Variants in CCNC observed in about 807,000 individuals in gnomAD.
CCNC encodes cyclin C.
A neutral mutation model predicts 50.0 loss-of-function variants in CCNC; 19 were observed. The observed-to-expected ratio is 0.38, with a 90% CI of 0.27 to 0.56. CCNC has a LOEUF of 0.56. Among genes scored for constraint, CCNC ranks in the 20% least tolerant of loss-of-function variants. CCNC has a pLI of 0.72. For synonymous variants in CCNC, 93 were observed against 103.7 expected, an observed-to-expected ratio of 0.90 and a Z score of 0.63; for missense variants, 200 against 327.1, an observed-to-expected ratio of 0.61 and a Z score of 3.00.
chr6:99,564,282 G>T (rs1455633344), intron 1 of CCNC, among the ~76,000 whole-genome samples: 2 of 152,058 alleles, frequency 1.3e-5, no homozygotes, highest in African/African-American at 4.8e-5. Flanking sequence ...AAAATTAGCT[G>T]GACGTGGTGG....
At chr6:99,558,618 G>T (rs1802645922) in intron 4 of CCNC, 70 bp from the exon 5 acceptor site, 1 of 1,413,212 alleles carries the variant, frequency 7.1e-7, no homozygotes, top group Non-Finnish European at 9.6e-7. Flanking sequence ...TTCAAAACAG[G>T]ATTTCCTTGC....
At chr6:99,561,340 G>C in intron 4 of CCNC, 27 bp downstream of exon 4, 1 of 1,493,834 alleles carries the variant, frequency 6.7e-7, no homozygotes, top group African/African-American at 1.4e-5. Flanking sequence ...ACTACACTTT[G>C]ATGAAGAACA....
chr6:99,563,073 C>A, intron 1 of CCNC, 125 bp from the exon 2 acceptor site: 1 of 624,532 alleles, frequency 1.6e-6, no homozygotes, highest in Non-Finnish European at 2.8e-6. Context: ...AATTATTTCT[C>A]ACATTTCTTG....
chr6:99,546,419 A>G lies in CCNC; in HGVS notation c.654T>C (p.Ala218=), dbSNP rs1319024423. 6.2e-7 allele frequency: 1 copy of G among 1,613,188 alleles called. No individual in the cohort carries two copies. Residue 218 remains alanine, a synonymous_variant, in exon 10 of 12, where the codon GCT becomes GCC. Transcript: ENST00000520429. ...VQQKDARQWF[A]ELSVDMEKIL... is the part of the protein sequence containing the mutation. Reference sequence around the variant, plus strand: ...CCTTTTCCATATCCACAGAAAGCTCAGCAAACCATTGCCTGGCATCTTTCT... The same window carrying G: ...CCTTTTCCATATCCACAGAAAGCTCGGCAAACCATTGCCTGGCATCTTTCT...
intron 9 of CCNC, among the ~76,000 whole-genome samples, chr6:99,548,324 G>C (rs891094445): frequency 1.3e-5 from 2 of 152,050 alleles, no homozygotes; most frequent in Non-Finnish European, 2.9e-5. Context: ...CACTGGGTAG[G>C]ACACCACTCA....
intron 4 of CCNC, among the ~76,000 whole-genome samples, chr6:99,559,148 G>T (rs1431733547): frequency 1.4e-5 from 2 of 147,424 alleles, no homozygotes; most frequent in East Asian, 2.0e-4. Flanking sequence ...TAAAACAGTT[G>T]AATTTGTGAA....
intron 5 of CCNC, among the ~76,000 whole-genome samples, chr6:99,554,678 G>A (rs1215286813): frequency 6.6e-6 from 1 of 152,048 alleles, no homozygotes; most frequent in Non-Finnish European, 1.5e-5. Context: ...TTTCTTGTTT[G>A]TTTTGAATAC....
At chr6:99,567,631 G>T (rs79621798) in intron 1 of CCNC, among the ~76,000 whole-genome samples, 171 of 152,212 alleles carry the variant, frequency 1.1e-3, no homozygotes, top group African/African-American at 3.9e-3. Flanking sequence ...ACTTACTAAT[G>T]CTTTCTTAGC....
chr6:99,551,411 A>G (rs543608368), intron 6 of CCNC, among the ~76,000 whole-genome samples: 2 of 152,278 alleles, frequency 1.3e-5, no homozygotes, highest in East Asian at 3.9e-4. Context: ...GAATAAACAA[A>G]TCCCTTGCAA....
intron 5 of CCNC, chr6:99,558,263 G>A: frequency 2.1e-6 from 1 of 482,398 alleles, no homozygotes; most frequent in South Asian, 7.5e-5. Flanking sequence ...GATGTTTTTG[G>A]ATTGATAATT....
chr6:99,543,850 C>G (rs1056765836), intron 11 of CCNC: 43 of 1,332,058 alleles, frequency 3.2e-5, no homozygotes, highest in Non-Finnish European at 3.7e-5. Context: ...AAGTTAGTGT[C>G]CATATATACT....
upstream of CCNC, chr6:99,568,761 G>A (rs1027102217): frequency 7.4e-7 from 1 of 1,359,030 alleles, no homozygotes; most frequent in Non-Finnish European, 9.6e-7. Context: ...GCCCGCGGTA[G>A]CGGAGGGAGC....
chr6:99,548,639 A>T (rs1247760184), intron 9 of CCNC, among the ~76,000 whole-genome samples: 2 of 152,050 alleles, frequency 1.3e-5, no homozygotes, highest in East Asian at 3.9e-4. Context: ...ACATGGCGAA[A>T]CCCTGTCTCT....
At chr6:99,544,002 A>G in intron 11 of CCNC, 1 of 1,164,932 alleles carries the variant, frequency 8.6e-7, no homozygotes, top group Admixed American at 5.3e-5. Context: ...ATGAAAAACA[A>G]GAAGTGTTCT....
intron 11 of CCNC, chr6:99,544,014 C>CAA (rs58452257): frequency 4.1e-4 from 420 of 1,026,890 alleles, no homozygotes; most frequent in East Asian, 1.3e-3. Flanking sequence ...AAGTGTTCTT[C>CAA]AAAAAAAAAA....
intron 8 of CCNC, 51 bp from the exon 9 acceptor site, chr6:99,549,626 A>C: frequency 1.7e-6 from 2 of 1,173,268 alleles, no homozygotes; most frequent in Non-Finnish European, 2.5e-6. Flanking sequence ...ACCTCATCTG[A>C]TTGTATATTT....
chr6:99,564,633 T>A (rs971687554), intron 1 of CCNC, among the ~76,000 whole-genome samples: 4 of 152,154 alleles, frequency 2.6e-5, no homozygotes, highest in Admixed American at 6.5e-5. Flanking sequence ...ATTACCGATT[T>A]TTTTAATGAT....
At chr6:99,565,179 T>C (rs1308260676) in intron 1 of CCNC, among the ~76,000 whole-genome samples, 3 of 152,086 alleles carry the variant, frequency 2.0e-5, no homozygotes, top group Non-Finnish European at 4.4e-5. Flanking sequence ...ACCTAAACTT[T>C]AGAAGCATTA....
chr6:99,564,850 A>G (rs1769051022), intron 1 of CCNC, among the ~76,000 whole-genome samples: 1 of 152,126 alleles, frequency 6.6e-6, no homozygotes, highest in Non-Finnish European at 1.5e-5. Context: ...ATAAAAAACA[A>G]TTCACCCATA....
Sources: allele counts gnomAD v4.1 joint callset (sites outside exome capture counted in the v4.1 genomes callset), GRCh38; gene constraint gnomAD v4.1.1; transcripts MANE v1.5; gene names NCBI Gene and HGNC (gene_info 2026-07-23, HGNC 2026-07-21).